NSMCE2: variants seen among roughly 807,000 people sequenced by gnomAD.
NSMCE2 encodes NSE2 SUMO ligase component of SMC5/6 complex, also known as E3 SUMO-protein ligase NSE2.
Under a neutral mutation model 23.8 loss-of-function variants are expected in NSMCE2, and 24 were observed. That is an observed-to-expected ratio of 1.01 (90% CI 0.73 to 1.42). The LOEUF is 1.42. Ranked by LOEUF, NSMCE2 falls within the 40% of genes most tolerant of loss-of-function variation. The pLI is 0.00. For synonymous variants in NSMCE2, 92 were observed against 94.1 expected (o/e 0.98, Z 0.13); for missense variants, 284 against 296.5 (o/e 0.96, Z 0.31).
chr8:125,312,864 G>C (rs1389434228), intron 5 of NSMCE2, among the ~76,000 whole-genome samples: 1 of 152,078 alleles, frequency 6.6e-6, no homozygotes, highest in African/African-American at 2.4e-5. Flanking sequence ...ATTAGAAAAA[G>C]CCTCTCTGAG....
intron 5 of NSMCE2, among the ~76,000 whole-genome samples, chr8:125,309,029 G>C (rs925694035): frequency 1.6e-4 from 24 of 152,218 alleles, no homozygotes; most frequent in Middle Eastern, 3.4e-3. Flanking sequence ...TGGATCACCT[G>C]AGGTCAAGAG....
chr8:125,183,597 A>G (rs1054766159), intron 5 of NSMCE2, among the ~76,000 whole-genome samples: 4 of 151,166 alleles, frequency 2.6e-5, no homozygotes, highest in Non-Finnish European at 5.9e-5. Context: ...TGGGCCATAT[A>G]GTCTTTACCT....
At chr8:125,247,882 A>G (rs1826055744) in intron 5 of NSMCE2, among the ~76,000 whole-genome samples, 1 of 152,216 alleles carries the variant, frequency 6.6e-6, no homozygotes, top group Admixed American at 6.5e-5. Flanking sequence ...ATAGAGTGCT[A>G]GTGAACAAGT....
intron 3 of NSMCE2, among the ~76,000 whole-genome samples, chr8:125,115,284 CT>C (rs1476593718): frequency 1.3e-5 from 2 of 152,192 alleles, no homozygotes; most frequent in Non-Finnish European, 2.9e-5. Context: ...CAGCACCCCC[CT>C]GGGCATATCT....
At chr8:125,258,291 A>G (rs1453279390) in intron 5 of NSMCE2, among the ~76,000 whole-genome samples, 1 of 152,214 alleles carries the variant, frequency 6.6e-6, no homozygotes, top group Non-Finnish European at 1.5e-5. Context: ...GTCTTAGAGT[A>G]GTCTTTTAAG....
intron 5 of NSMCE2, among the ~76,000 whole-genome samples, chr8:125,315,798 C>CT (rs11453416): frequency 0.45 from 67,767 of 151,282 alleles, 17,566 homozygotes; most frequent in Non-Finnish European, 0.56. Flanking sequence ...TGTTGGTACC[C>CT]TTTTTTTTCC....
intron 5 of NSMCE2, among the ~76,000 whole-genome samples, chr8:125,225,888 A>G (rs1162501941): frequency 6.6e-6 from 1 of 152,206 alleles, no homozygotes; most frequent in Non-Finnish European, 1.5e-5. Flanking sequence ...TTCCAGATAC[A>G]ATATTATCGT....
intron 5 of NSMCE2, among the ~76,000 whole-genome samples, chr8:125,265,053 G>A (rs1379151629): frequency 6.6e-6 from 1 of 152,048 alleles, no homozygotes; most frequent in African/African-American, 2.4e-5. Flanking sequence ...ATTTTATGTA[G>A]TATCTTAAAA....
chr8:125,165,599 C>A (rs1001171150), intron 4 of NSMCE2, among the ~76,000 whole-genome samples: 2 of 152,178 alleles, frequency 1.3e-5, no homozygotes, highest in African/African-American at 4.8e-5. Flanking sequence ...AGTCTCAGTT[C>A]CATCACCTAT....
chr8:125,223,872 C>T (rs548693841), intron 5 of NSMCE2, among the ~76,000 whole-genome samples: 7 of 136,104 alleles, frequency 5.1e-5, no homozygotes, highest in Admixed American at 2.5e-4. Context: ...AGTATAGTGG[C>T]GCAATCATAG....
At chr8:125,158,072 A>G (rs1453977444) in intron 4 of NSMCE2, among the ~76,000 whole-genome samples, 3 of 152,204 alleles carry the variant, frequency 2.0e-5, no homozygotes, top group Non-Finnish European at 4.4e-5. Flanking sequence ...AGGGACTGAT[A>G]TTCTTCAGAA....
chr8:125,283,843 C>G (rs1827787132), intron 5 of NSMCE2, among the ~76,000 whole-genome samples: 1 of 152,066 alleles, frequency 6.6e-6, no homozygotes, highest in Admixed American at 6.6e-5. Flanking sequence ...AAGCATTGGA[C>G]TATTACTGGC....
intron 5 of NSMCE2, among the ~76,000 whole-genome samples, chr8:125,230,630 A>T (rs1220912537): frequency 6.6e-6 from 1 of 152,244 alleles, no homozygotes; most frequent in Non-Finnish European, 1.5e-5. Flanking sequence ...GATGAATAGT[A>T]GTACTATTGT....
Position 125,280,219 on chromosome 8 carries a change from C to T in NSMCE2, c.419-77000C>T, listed in dbSNP as rs146130764. Reference sequence around the variant, plus strand: ...TGAGCTAGTTAGAAGAGTTACAACTCCCTCTTCCCTGCCTTTGCTGGAAGT... The same window carrying T: ...TGAGCTAGTTAGAAGAGTTACAACTTCCTCTTCCCTGCCTTTGCTGGAAGT... On this transcript the variant is annotated intron_variant, in intron 5 of 7. Transcript: ENST00000287437. Among the ~76,000 whole-genome samples, 93 of 152,262 alleles carry T rather than the reference C, an allele frequency of 6.1e-4. 1 individual carries two copies. The highest frequency in any genetic ancestry group is 4.8e-3 in the Admixed American group (73 of 15,292).
intron 5 of NSMCE2, among the ~76,000 whole-genome samples, chr8:125,312,090 A>AAAAG (rs1250204508): frequency 1.0e-4 from 15 of 148,842 alleles, no homozygotes; most frequent in Non-Finnish European, 1.0e-4. Context: ...AAAAAAAAAA[A>AAAAG]AAAGAAAGAA....
At chr8:125,267,298 C>T (rs1010281904) in intron 5 of NSMCE2, among the ~76,000 whole-genome samples, 6 of 152,100 alleles carry the variant, frequency 3.9e-5, no homozygotes, top group Admixed American at 1.3e-4. Flanking sequence ...TGAGCCACCG[C>T]GCCCAGCCAA....
At chr8:125,269,310 C>T (rs1478911701) in intron 5 of NSMCE2, among the ~76,000 whole-genome samples, 1 of 152,188 alleles carries the variant, frequency 6.6e-6, no homozygotes, top group Non-Finnish European at 1.5e-5. Context: ...TGGTCTTGAA[C>T]TCCTGACCTC....
At chr8:125,353,862 G>A (rs944367793) in intron 5 of NSMCE2, among the ~76,000 whole-genome samples, 3 of 150,994 alleles carry the variant, frequency 2.0e-5, no homozygotes, top group Admixed American at 6.6e-5. Flanking sequence ...CAGCCTGGGC[G>A]ACAAGGGCAA....
chr8:125,128,941 T>G (rs1292463480), intron 3 of NSMCE2, among the ~76,000 whole-genome samples: 2 of 152,184 alleles, frequency 1.3e-5, no homozygotes, highest in Non-Finnish European at 2.9e-5. Context: ...CCCCTTTCCA[T>G]GTAACATAAC....
Sources: gnomAD v4.1 joint callset for allele counts (sites outside exome capture counted in the v4.1 genomes callset) on GRCh38, gnomAD v4.1.1 for gene constraint, MANE v1.5 for transcripts, NCBI Gene and HGNC (gene_info 2026-07-23, HGNC 2026-07-21) for gene names.